The following SLC43A1 variants were observed in gnomAD, a reference collection of about 807,000 sequenced individuals.
SLC43A1 encodes the protein solute carrier family 43 member 1.
In SLC43A1, 31 loss-of-function variants were observed where a neutral mutation model predicts 59.5. The observed-to-expected ratio is 0.52, with a 90% CI of 0.39 to 0.70. The LOEUF (loss-of-function observed/expected upper bound fraction) is 0.70. Ranked by LOEUF, SLC43A1 falls within the 30% of genes least tolerant of loss-of-function variation. SLC43A1 has a pLI of 0.00. For synonymous variants in SLC43A1, 259 were observed against 290.9 expected (o/e 0.89, Z 1.12); for missense variants, 598 against 717.8 (o/e 0.83, Z 1.91).
At chr11:57,500,944 A>C in intron 4 of SLC43A1, 44 bp downstream of exon 4, 2 of 1,597,598 alleles carry the variant, frequency 1.3e-6, no homozygotes, top group Non-Finnish European at 1.7e-6. Context: ...CCTTCATCCC[A>C]CCTATTCTTT....
At chr11:57,501,462 C>G in intron 2 of SLC43A1, 133 bp from the exon 3 acceptor site, 1 of 828,620 alleles carries the variant, frequency 1.2e-6, no homozygotes, top group Non-Finnish European at 1.9e-6. Context: ...AGAGTCACAT[C>G]TCCTCTGATG....
intron 4 of SLC43A1, 35 bp downstream of exon 4, chr11:57,500,953 T>G (rs1462636807): frequency 4.4e-6 from 7 of 1,597,242 alleles, no homozygotes; most frequent in Non-Finnish European, 6.0e-6. Context: ...CACCTATTCT[T>G]TTCTTGTGGG....
In SLC43A1 at chr11:57,515,154, G is replaced by T; in HGVS notation, c.-14+290C>A. 2.4e-6 allele frequency: 2 copies of T among 817,276 alleles called. No individual in the cohort carries two copies. The highest frequency in any genetic ancestry group is 3.0e-6 in the Non-Finnish European group (2 of 676,394). 50.6% of individuals were successfully genotyped at this position (817,276 alleles called of 1,614,324 possible). On this transcript the variant is annotated intron_variant, in intron 1 of 14. Coordinates refer to ENST00000278426, the MANE Select transcript of SLC43A1 (RefSeq NM_003627.6). The surrounding 1 kb of genome is among the most constrained non-coding windows in gnomAD (Gnocchi z 5.3). Reference sequence around the variant, plus strand: ...TCTCATCTGTGAAACGGGGCTTTGGGTTCAAGCGCTCCAGGAGGTCCGCTG... The same window carrying T: ...TCTCATCTGTGAAACGGGGCTTTGGTTTCAAGCGCTCCAGGAGGTCCGCTG...
Position 57,488,943 on chromosome 11 carries a change from G to T in SLC43A1, c.1382C>A (p.Ser461Ter). 1 of 1,614,188 alleles carries T rather than the reference G, an allele frequency of 6.2e-7. No individual in the cohort carries two copies. The highest frequency in any genetic ancestry group is 8.5e-7 in the Non-Finnish European group (1 of 1,180,002). ...TGCAGCATAGAGACTCCCACAGGCT[G>T]AGTGGAAGAAACCTCGAACAATGGT... ...LHTIVRGFFHSACGSLYAAVF... is the reference protein window; with the variant it reads ...LHTIVRGFFH The change falls in exon 13 of 15, where the codon TCA (serine) becomes TAA (stop). Residue 461 changes from serine (S) to a stop codon, truncating the protein, a stop_gained. Transcript: ENST00000278426. LOFTEE classifies it high-confidence loss of function.
intron 6 of SLC43A1, 26 bp from the exon 7 acceptor site, chr11:57,496,190 G>A (rs766441522): frequency 1.9e-6 from 3 of 1,612,078 alleles, no homozygotes; most frequent in African/African-American, 2.7e-5. Context: ...GCAGGCCCGT[G>A]GGGGAGACTG....
intron 2 of SLC43A1, among the ~76,000 whole-genome samples, chr11:57,508,989 G>A (rs570632223): frequency 5.1e-4 from 77 of 151,962 alleles, no homozygotes; most frequent in Non-Finnish European, 1.0e-3. Flanking sequence ...GGTGGTACAC[G>A]CCTGTAATAC....
At chr11:57,512,332 C>G (rs1250036678) in intron 2 of SLC43A1, among the ~76,000 whole-genome samples, 3 of 152,094 alleles carry the variant, frequency 2.0e-5, no homozygotes, top group Non-Finnish European at 4.4e-5. Context: ...TGGCTCATGT[C>G]TATAATCCCA....
intron 8 of SLC43A1, 75 bp from the exon 9 acceptor site, chr11:57,491,937 C>A: frequency 7.0e-7 from 1 of 1,429,540 alleles, no homozygotes; most frequent in Non-Finnish European, 9.7e-7. Flanking sequence ...TCATGCAGTT[C>A]TTGGGGGGAG....
In SLC43A1 at chr11:57,489,404, G is replaced by A. The variant is rs199499404; in HGVS notation, c.1194-12C>T. The A allele has an allele frequency of 6.4e-5, 104 of 1,613,758 alleles. No individual in the cohort carries two copies. The highest frequency in any genetic ancestry group is 4.7e-4 in the Admixed American group (28 of 59,984). The stretch of plus-strand genomic sequence containing the variant: ...TAGCAACCCCGTCCCTGAGGAGTAC[G>A]GGAAGTCACTGGCTGCTGCCTCTAC... On this transcript the variant is annotated splice_polypyrimidine_tract_variant and intron_variant, in intron 11 of 14. Transcript: ENST00000278426.
Position 57,514,657 on chromosome 11 carries a change from C to G in SLC43A1, c.-13-533G>C. ...GGGCCGGGCGACAGCAAGCCCTCCC[C>G]CTTTCCGTATCAGGTGACCCACGAC... On this transcript the variant is annotated intron_variant, in intron 1 of 14. Coordinates refer to ENST00000278426, the MANE Select transcript of SLC43A1 (RefSeq NM_003627.6). This position sits in a 1 kb window ranked among gnomAD's most constrained non-coding sequence, Gnocchi z 5.5. 1 of 210,180 alleles carries G rather than the reference C, an allele frequency of 4.8e-6. No individual in the cohort carries two copies. The highest frequency in any genetic ancestry group is 8.4e-6 in the Non-Finnish European group (1 of 119,348). 13.0% of individuals were successfully genotyped at this position (210,180 alleles called of 1,614,324 possible).
intron 2 of SLC43A1, among the ~76,000 whole-genome samples, chr11:57,501,658 GAGGCAA>G (rs981433223): frequency 1.3e-5 from 2 of 152,200 alleles, no homozygotes; most frequent in Non-Finnish European, 2.9e-5. Context: ...CCCATATCTA[GAGGCAA>G]AGGCAAAGGC....
intron 2 of SLC43A1, among the ~76,000 whole-genome samples, chr11:57,503,771 A>C (rs1333857086): frequency 6.6e-6 from 1 of 152,234 alleles, no homozygotes; most frequent in Non-Finnish European, 1.5e-5. Flanking sequence ...GGTGACCAGC[A>C]GTTGCCCCCA....
At chr11:57,497,679 G>T in intron 6 of SLC43A1, 74 bp downstream of exon 6, 1 of 1,129,884 alleles carries the variant, frequency 8.9e-7, no homozygotes, top group Non-Finnish European at 1.3e-6. Flanking sequence ...CCGTGGGTCA[G>T]CACTAGCTGC....
intron 2 of SLC43A1, among the ~76,000 whole-genome samples, chr11:57,505,529 C>A (rs7930636): frequency 0.18 from 27,482 of 151,036 alleles, 4,551 homozygotes; most frequent in African/African-American, 0.45. Context: ...CTAACAACAA[C>A]AAAAAAAATA....
Position 57,491,750 on chromosome 11 carries a change from C to G in SLC43A1, c.984G>C (p.Met328Ile), listed in dbSNP as rs770086524. The G allele has an allele frequency of 6.2e-7, 1 of 1,614,258 alleles. No individual in the cohort carries two copies. The highest frequency in any genetic ancestry group is 1.7e-5 in the Admixed American group (1 of 60,038). ...IIFYMAAVNK[M>I]LEYLVTGGQE... ...GGCCACCAGTCACAAGGTACTCCAG[C>G]ATCTTGTTCACAGCAGCCATGTAGA... The change falls in exon 9 of 15, where the codon ATG (methionine) becomes ATC (isoleucine). Residue 328 changes from methionine (M) to isoleucine (I), a missense_variant. Met to Ile is a conservative substitution (Grantham distance 10). Coordinates refer to ENST00000278426, the MANE Select transcript of SLC43A1 (RefSeq NM_003627.6).
In SLC43A1 at chr11:57,484,983, A is replaced by G; in HGVS notation, c.*113T>C. 1 of 1,238,572 alleles carries G rather than the reference A, an allele frequency of 8.1e-7. No individual in the cohort carries two copies. Among genetic ancestry groups the G allele is most frequent in the Non-Finnish European group, 1.1e-6 (1 of 916,990 alleles). 76.7% of individuals were successfully genotyped at this position (1,238,572 alleles called of 1,614,324 possible). Reference sequence around the variant, plus strand: ...ATAGAACTTCTCTTGGTATTTATAAATCTACGGCCATGGCTCTATGTGCAT... The same window carrying G: ...ATAGAACTTCTCTTGGTATTTATAAGTCTACGGCCATGGCTCTATGTGCAT... On this transcript the variant is annotated 3_prime_UTR_variant, in exon 15 of 15. Coordinates refer to ENST00000278426, the MANE Select transcript of SLC43A1 (RefSeq NM_003627.6).
intron 2 of SLC43A1, among the ~76,000 whole-genome samples, chr11:57,502,999 A>G (rs988412894): frequency 6.6e-6 from 1 of 152,128 alleles, no homozygotes. Context: ...CAGTAGTGAA[A>G]ATGACCCCTG....
rs1420490022 is a variant in SLC43A1, at chr11:57,487,097, A to G, written c.1531T>C (p.Trp511Arg). The G allele has an allele frequency of 6.2e-7, 1 of 1,613,622 alleles. No homozygotes were observed. The highest frequency in any genetic ancestry group is 1.3e-5 in the African/African-American group (1 of 74,888). The change falls in exon 14 of 15, where the codon TGG becomes CGG. Residue 511 changes from tryptophan to arginine, a missense_variant and splice_region_variant. Trp to Arg is a moderately radical substitution (Grantham distance 101, BLOSUM62 -3). Coordinates refer to ENST00000278426, the MANE Select transcript of SLC43A1 (RefSeq NM_003627.6). Reference protein sequence around the residue: ...MVGPLKGEPFWVNLGLLLFSL... With the variant: ...MVGPLKGEPFRVNLGLLLFSL... ...CCCACACCAACCCTCGCTCTCACCC[A>G]GAAGGGCTCTCCTTTCAGGGGTCCC...
intron 14 of SLC43A1, among the ~76,000 whole-genome samples, chr11:57,486,442 G>A (rs1943727555): frequency 1.3e-5 from 2 of 151,638 alleles, no homozygotes; most frequent in Admixed American, 6.6e-5. Context: ...GCTGCAGTGA[G>A]CTGTGATTTT....
Sources: allele counts gnomAD v4.1 joint callset (sites outside exome capture counted in the v4.1 genomes callset), GRCh38; gene constraint gnomAD v4.1.1; non-coding constraint Gnocchi (gnomAD v3.1); transcripts MANE v1.5; gene names NCBI Gene and HGNC (gene_info 2026-07-23, HGNC 2026-07-21).